PLCB1: variants seen among roughly 807,000 people sequenced by gnomAD.
PLCB1 encodes 1-phosphatidylinositol 4,5-bisphosphate phosphodiesterase beta-1.
PLCB1 carries 46 observed loss-of-function variants against 161.8 expected under a neutral mutation model. The observed-to-expected ratio is 0.28, with a 90% CI of 0.22 to 0.36. The LOEUF is 0.36. Among genes scored for constraint, PLCB1 ranks in the 10% least tolerant of loss-of-function variants. The pLI is 1.00. For synonymous variants in PLCB1, 517 were observed against 503.7 expected (o/e 1.03, Z -0.35); for missense variants, 1,016 against 1,472.5 (o/e 0.69, Z 5.07).
intron 31 of PLCB1, among the ~76,000 whole-genome samples, chr20:8,853,974 G>A (rs910894555): frequency 6.6e-6 from 1 of 152,104 alleles, no homozygotes; most frequent in African/African-American, 2.4e-5. Flanking sequence ...GAGGGCAAGA[G>A]GAGCCCCACA....
At chr20:8,846,418 G>T (rs1423524631) in intron 31 of PLCB1, among the ~76,000 whole-genome samples, 1 of 151,976 alleles carries the variant, frequency 6.6e-6, no homozygotes, top group Non-Finnish European at 1.5e-5. Flanking sequence ...CACAACACTG[G>T]TACAACCTAC....
intron 3 of PLCB1, among the ~76,000 whole-genome samples, chr20:8,502,774 C>T (rs1419468987): frequency 6.6e-6 from 1 of 152,078 alleles, no homozygotes; most frequent in African/African-American, 2.4e-5. Context: ...TAGAAAACCC[C>T]AATTACAGAT....
At chr20:8,469,971 C>T (rs1378587151) in intron 3 of PLCB1, among the ~76,000 whole-genome samples, 1 of 152,142 alleles carries the variant, frequency 6.6e-6, no homozygotes, top group African/African-American at 2.4e-5. Flanking sequence ...CGCTAATTTA[C>T]TTTCTGTCTC....
At chr20:8,432,806 T>G (rs1980112175) in intron 3 of PLCB1, among the ~76,000 whole-genome samples, 1 of 152,198 alleles carries the variant, frequency 6.6e-6, no homozygotes, top group Admixed American at 6.5e-5. Flanking sequence ...TTGTTGCTCA[T>G]CCATCTAAAT....
chr20:8,141,322 G>A (rs2051400913), intron 1 of PLCB1, among the ~76,000 whole-genome samples: 1 of 152,112 alleles, frequency 6.6e-6, no homozygotes, highest in Admixed American at 6.5e-5. Context: ...CCTCATTGCT[G>A]CTTTGAGACA....
intron 3 of PLCB1, among the ~76,000 whole-genome samples, chr20:8,399,554 G>C (rs138067845): frequency 1.8e-3 from 271 of 152,006 alleles, no homozygotes; most frequent in African/African-American, 5.8e-3. Flanking sequence ...TCTTATTCTA[G>C]AATAACAAAA....
intron 3 of PLCB1, among the ~76,000 whole-genome samples, chr20:8,604,799 G>C (rs927486110): frequency 6.6e-6 from 1 of 152,232 alleles, no homozygotes; most frequent in African/African-American, 2.4e-5. Context: ...CTTTTGAAAT[G>C]TAATATAGAA....
chr20:8,250,007 G>C (rs967967850), intron 2 of PLCB1, among the ~76,000 whole-genome samples: 1 of 152,020 alleles, frequency 6.6e-6, no homozygotes, highest in Middle Eastern at 3.4e-3. Flanking sequence ...CATTGTTTTA[G>C]GTGCAAAGTA....
At chr20:8,497,949 A>C (rs2122799379) in intron 3 of PLCB1, among the ~76,000 whole-genome samples, 1 of 152,228 alleles carries the variant, frequency 6.6e-6, no homozygotes, top group East Asian at 1.9e-4. Flanking sequence ...AGTCTTCAGA[A>C]CCTCATTTTT....
chr20:8,142,971 CT>C (rs1308620041), intron 1 of PLCB1, among the ~76,000 whole-genome samples: 2 of 152,176 alleles, frequency 1.3e-5, no homozygotes, highest in Non-Finnish European at 2.9e-5. Context: ...TATTTTGGAG[CT>C]CGACCTTCCT....
At chr20:8,680,092 A>G (rs968821904) in intron 9 of PLCB1, among the ~76,000 whole-genome samples, 44 of 152,312 alleles carry the variant, frequency 2.9e-4, no homozygotes, top group African/African-American at 8.7e-4. Flanking sequence ...TGCTGTTACT[A>G]AGTTTTTTAG....
rs372339223 is a variant in PLCB1 at position 8,602,201 on chromosome 20, GACACCA to G, written c.247-26085_247-26080del. ...ATATTCTAAATAAAGAAGAGTATAT[GACACCA>G]ACACCAAGTTTTTTTTTTAATCAAA... is the stretch of plus-strand genomic sequence containing the variant. On this transcript the variant is annotated intron_variant, in intron 3 of 31. Transcript: ENST00000338037. Among the ~76,000 whole-genome samples the G allele has an allele frequency of 8.6e-5, 13 of 151,424 alleles. No individual in the cohort carries two copies. In the East Asian group the frequency reaches 2.5e-3, roughly 29 times the overall value.
chr20:8,727,884 C>T (rs942252748), intron 17 of PLCB1, among the ~76,000 whole-genome samples: 1 of 151,944 alleles, frequency 6.6e-6, no homozygotes, highest in Non-Finnish European at 1.5e-5. Flanking sequence ...ATATACATTA[C>T]TAAGACTGGA....
At chr20:8,881,561 A>G (rs918928372) in intron 31 of PLCB1, 61 bp from the exon 32 acceptor site, 79 of 1,208,940 alleles carry the variant, frequency 6.5e-5, no homozygotes, top group East Asian at 9.3e-5. Flanking sequence ...GAGAGTTTCT[A>G]TGGGAGTGGG....
intron 1 of PLCB1, among the ~76,000 whole-genome samples, chr20:8,144,936 T>C (rs2051439148): frequency 6.6e-6 from 1 of 152,148 alleles, no homozygotes; most frequent in Non-Finnish European, 1.5e-5. Flanking sequence ...GGAGTGAGAA[T>C]TGTGGTCAAC....
chr20:8,661,418 A>G (rs1419664490), intron 9 of PLCB1, among the ~76,000 whole-genome samples: 1 of 152,104 alleles, frequency 6.6e-6, no homozygotes, highest in Non-Finnish European at 1.5e-5. Context: ...GAATATGGCT[A>G]AAGGGCCAGC....
At chr20:8,437,983 A>G (rs1415065063) in intron 3 of PLCB1, among the ~76,000 whole-genome samples, 1 of 152,202 alleles carries the variant, frequency 6.6e-6, no homozygotes, top group African/African-American at 2.4e-5. Context: ...TCCCTGAAAC[A>G]TAAAAAAAGT....
At chr20:8,280,730 A>G (rs1400336505) in intron 2 of PLCB1, among the ~76,000 whole-genome samples, 10 of 152,222 alleles carry the variant, frequency 6.6e-5, no homozygotes, top group Non-Finnish European at 1.5e-5. Context: ...ATTAAATATT[A>G]AGCATTTAAT....
intron 3 of PLCB1, among the ~76,000 whole-genome samples, chr20:8,394,765 C>T (rs1261234491): frequency 6.6e-6 from 1 of 152,108 alleles, no homozygotes; most frequent in Non-Finnish European, 1.5e-5. Flanking sequence ...CTCTTGGTTG[C>T]ATCATCCATA....
Sources: allele counts gnomAD v4.1 joint callset (sites outside exome capture counted in the v4.1 genomes callset), GRCh38; gene constraint gnomAD v4.1.1; transcripts MANE v1.5; gene names NCBI Gene and HGNC (gene_info 2026-07-23, HGNC 2026-07-21).